The following LMTK2 variants were observed in gnomAD, a reference collection of about 807,000 sequenced individuals.
LMTK2 encodes the protein serine/threonine-protein kinase LMTK2.
Under a neutral mutation model 127.5 loss-of-function variants are expected in LMTK2, and 37 were observed. The observed-to-expected ratio is 0.29, with a 90% CI of 0.22 to 0.38. LMTK2 has a LOEUF of 0.38. Among genes scored for constraint, LMTK2 ranks in the 10% least tolerant of loss-of-function variants. The pLI, the probability that LMTK2 is intolerant of heterozygous loss-of-function variation, is 1.00. For synonymous variants in LMTK2, 819 were observed against 810.1 expected (o/e 1.01, Z -0.19); for missense variants, 1,694 against 1,920.3 (o/e 0.88, Z 2.20).
chr7:98,115,545 C>T (rs1471651092), intron 1 of LMTK2, among the ~76,000 whole-genome samples: 2 of 152,098 alleles, frequency 1.3e-5, no homozygotes, highest in African/African-American at 4.8e-5. Context: ...TGCTGTGGCT[C>T]ACACCTGTAA....
chr7:98,111,915 A>G lies in LMTK2; in HGVS notation c.103+4635A>G, dbSNP rs75423303. Reference sequence around the variant, plus strand: ...TTGAAATTCGTAGTGTTGGAGAACTATGCTGGAAATTTTTAGGATCATCTG... The same window carrying G: ...TTGAAATTCGTAGTGTTGGAGAACTGTGCTGGAAATTTTTAGGATCATCTG... On this transcript the variant is annotated intron_variant, in intron 1 of 13. Coordinates refer to ENST00000297293, the MANE Select transcript of LMTK2 (RefSeq NM_014916.4). Among the ~76,000 whole-genome samples the G allele has an allele frequency of 8.7e-3, 1,323 of 152,336 alleles. 22 individuals are homozygous for G. The highest frequency in any genetic ancestry group is 0.03 in the African/African-American group (1,235 of 41,574).
chr7:98,182,108 G>A, intron 7 of LMTK2, among the ~76,000 whole-genome samples: 1 of 152,110 alleles, frequency 6.6e-6, no homozygotes, highest in Non-Finnish European at 1.5e-5. Flanking sequence ...ACTCAAAATG[G>A]ATCAAAGACC....
chr7:98,160,222 T>C (rs1041402712), intron 6 of LMTK2, among the ~76,000 whole-genome samples: 1 of 152,224 alleles, frequency 6.6e-6, no homozygotes, highest in African/African-American at 2.4e-5. Flanking sequence ...TGGCTGTGCA[T>C]AGAAAAATAG....
At chr7:98,127,643 T>C (rs960923861) in intron 1 of LMTK2, among the ~76,000 whole-genome samples, 98 of 152,174 alleles carry the variant, frequency 6.4e-4, no homozygotes, top group Non-Finnish European at 1.1e-3. Flanking sequence ...GCCAGTGGGA[T>C]TGGCTTTCTT....
At chr7:98,128,738 C>A (rs1796478694) in intron 1 of LMTK2, among the ~76,000 whole-genome samples, 1 of 152,196 alleles carries the variant, frequency 6.6e-6, no homozygotes, top group African/African-American at 2.4e-5. Context: ...TGGATTCTCG[C>A]TTTGCCTGCA....
chr7:98,201,028 T>G (rs544227620), intron 11 of LMTK2, among the ~76,000 whole-genome samples: 63 of 152,250 alleles, frequency 4.1e-4, no homozygotes, highest in Non-Finnish European at 8.2e-4. Flanking sequence ...TTTTCTTTTC[T>G]CTCTTTTTTT....
chr7:98,160,680 AG>A (rs1053950307), intron 6 of LMTK2, among the ~76,000 whole-genome samples: 3 of 151,878 alleles, frequency 2.0e-5, no homozygotes, highest in Non-Finnish European at 4.4e-5. Flanking sequence ...AGGAGTGTGG[AG>A]GGGGTTTGAG....
chr7:98,200,071 ATTTTTC>A (rs2116478757), intron 11 of LMTK2, among the ~76,000 whole-genome samples: 1 of 149,932 alleles, frequency 6.7e-6, no homozygotes, highest in East Asian at 2.0e-4. Flanking sequence ...TTAGTATTAC[ATTTTTC>A]TTTTTCTTTT....
rs1333038185 is a variant in LMTK2, at chr7:98,192,902, G to A, written c.2437G>A (p.Val813Met). The A allele has an allele frequency of 6.2e-7, 1 of 1,614,038 alleles. No individual in the cohort carries two copies. ...CACCTCATTGCAGTCTTCCCCGGAAGTGCAGGTACCTCCTACCTCCTTCGA... is the reference window on the plus strand; with the variant it reads ...CACCTCATTGCAGTCTTCCCCGGAAATGCAGGTACCTCCTACCTCCTTCGA... ...LSTSLQSSPE[V>M]QVPPTSFETE... The change falls in exon 11 of 14, where the codon GTG becomes ATG. Residue 813 changes from valine to methionine, a missense_variant. By Grantham distance (21) the Val-to-Met change is conservative. Around this residue, in one of 8 missense-constraint regions of LMTK2, gnomAD observed 527 missense variants for 539.8 expected, o/e 0.98. Transcript: ENST00000297293.
chr7:98,140,076 A>AACTTACTT (rs1489752762), intron 2 of LMTK2, among the ~76,000 whole-genome samples: 607 of 40,468 alleles, frequency 0.015, 64 homozygotes, highest in Middle Eastern at 0.083. Flanking sequence ...AGGTTTCCAC[A>AACTTACTT]ACTTTCTTTC....
chr7:98,117,425 T>A (rs549978509), intron 1 of LMTK2, among the ~76,000 whole-genome samples: 2 of 152,378 alleles, frequency 1.3e-5, no homozygotes, highest in Admixed American at 1.3e-4. Context: ...ATATTTATTT[T>A]ATACTTCGAG....
At chr7:98,169,286 A>C (rs1797150572) in intron 6 of LMTK2, among the ~76,000 whole-genome samples, 1 of 152,254 alleles carries the variant, frequency 6.6e-6, no homozygotes, top group Admixed American at 6.5e-5. Flanking sequence ...ATTCTTAAGT[A>C]AAATCCCTTT....
chr7:98,131,874 T>C (rs1796524428), intron 1 of LMTK2, among the ~76,000 whole-genome samples: 1 of 152,158 alleles, frequency 6.6e-6, no homozygotes. Context: ...TTTTCTAAGG[T>C]AGTTGTGACA....
rs1796879239 is a variant in LMTK2 at position 98,153,033 on chromosome 7, G to A, written c.450+1578G>A. On this transcript the variant is annotated intron_variant, in intron 4 of 13. Coordinates refer to ENST00000297293, the MANE Select transcript of LMTK2 (RefSeq NM_014916.4). ...TGGAAGAATGGAGTTGCTGTCAACT[G>A]AAATGCAACAGACACTGCAGGAGAG... Among the ~76,000 whole-genome samples, 4 of 152,134 alleles carry A rather than the reference G, an allele frequency of 2.6e-5. No homozygotes were observed. The South Asian group carries it at 8.3e-4, about 32-fold the overall frequency.
intron 1 of LMTK2, among the ~76,000 whole-genome samples, chr7:98,122,768 T>C (rs1393579325): frequency 6.7e-6 from 1 of 150,274 alleles, no homozygotes; most frequent in Non-Finnish European, 1.5e-5. Flanking sequence ...TAGGCTGGGG[T>C]GTCCCTTCCC....
chr7:98,205,986 A>G lies in LMTK2; in HGVS notation c.*494A>G, dbSNP rs1797790949. 1 of 156,672 alleles carries G rather than the reference A, an allele frequency of 6.4e-6. No homozygotes were observed. The highest frequency in any genetic ancestry group is 6.3e-5 in the Admixed American group (1 of 15,958). The allele number at this position is 156,672 out of a possible 1,614,324, so 9.7% of individuals were successfully genotyped here. A position where few individuals can be genotyped will look rare whatever the true frequency, so the allele number is the denominator to read the frequency against. Reference sequence around the variant, plus strand: ...CTTTCTGTAATTGCACTGTGGATAAATGTTCCGAGAGTCTCCATTGTTGTA... The same window carrying G: ...CTTTCTGTAATTGCACTGTGGATAAGTGTTCCGAGAGTCTCCATTGTTGTA... On this transcript the variant is annotated 3_prime_UTR_variant, in exon 14 of 14. Transcript: ENST00000297293.
At chr7:98,140,876 T>C (rs960466959) in intron 2 of LMTK2, among the ~76,000 whole-genome samples, 20 of 142,316 alleles carry the variant, frequency 1.4e-4, no homozygotes, top group African/African-American at 4.8e-4. Context: ...AGGGAGACTC[T>C]GCCTCTACAA....
At chr7:98,114,995 A>G (rs1796257004) in intron 1 of LMTK2, among the ~76,000 whole-genome samples, 1 of 152,172 alleles carries the variant, frequency 6.6e-6, no homozygotes, top group Admixed American at 6.5e-5. Context: ...AGACGAAAAC[A>G]TTGGAACTGA....
chr7:98,115,637 G>T (rs1242491901), intron 1 of LMTK2, among the ~76,000 whole-genome samples: 1 of 151,604 alleles, frequency 6.6e-6, no homozygotes, highest in African/African-American at 2.4e-5. Context: ...GTGAAACCCC[G>T]TCTCTACTAA....
Sources: allele counts gnomAD v4.1 joint callset (sites outside exome capture counted in the v4.1 genomes callset), GRCh38; gene constraint gnomAD v4.1.1; regional missense constraint gnomAD v4.1.1; transcripts MANE v1.5; gene names NCBI Gene and HGNC (gene_info 2026-07-23, HGNC 2026-07-21).